Variants in TAOK1 observed in about 807,000 individuals in gnomAD.
The protein encoded by TAOK1 is TAO kinase 1, also known as serine/threonine-protein kinase TAO1.
A neutral mutation model predicts 138.3 loss-of-function variants in TAOK1; 21 were observed. The ratio of observed to expected loss-of-function variants is 0.15; its 90% CI spans 0.11 to 0.22. The LOEUF is 0.22. TAOK1 is among the 10% of genes least tolerant of loss of function. The pLI, the probability that TAOK1 is intolerant of heterozygous loss-of-function variation, is 1.00. For synonymous variants in TAOK1, 361 were observed against 398.4 expected (o/e 0.91, Z 1.12); for missense variants, 651 against 1,227.7 (o/e 0.53, Z 7.02).
At chr17:29,427,652 C>T (rs980226896) in intron 1 of TAOK1, among the ~76,000 whole-genome samples, 1 of 146,710 alleles carries the variant, frequency 6.8e-6, no homozygotes, top group African/African-American at 2.5e-5. Flanking sequence ...CTTGGCCAGG[C>T]GTAGTGGCTC....
At chr17:29,517,410 G>A (rs1480496222) in intron 15 of TAOK1, 43 bp from the exon 16 acceptor site, 18 of 1,599,572 alleles carry the variant, frequency 1.1e-5, no homozygotes, top group South Asian at 3.3e-5. Flanking sequence ...GTGAGCCACC[G>A]TGCCAGGCCT....
chr17:29,462,218 C>T (rs913148094), intron 2 of TAOK1, among the ~76,000 whole-genome samples: 3 of 152,194 alleles, frequency 2.0e-5, no homozygotes, highest in African/African-American at 7.2e-5. Flanking sequence ...CAAATTGAGT[C>T]AGCCAGCATG....
chr17:29,477,055 C>A (rs931289552), intron 4 of TAOK1, among the ~76,000 whole-genome samples: 1 of 152,066 alleles, frequency 6.6e-6, no homozygotes, highest in Non-Finnish European at 1.5e-5. Context: ...CCGTGTGTGC[C>A]AGGATGGTCT....
intron 1 of TAOK1, among the ~76,000 whole-genome samples, chr17:29,430,380 C>T (rs1487242895): frequency 6.6e-6 from 1 of 152,166 alleles, no homozygotes; most frequent in Non-Finnish European, 1.5e-5. Flanking sequence ...AAGCAGCCCA[C>T]CAGAGGCTGA....
At chr17:29,397,932 G>C (rs1904714515) in intron 1 of TAOK1, among the ~76,000 whole-genome samples, 1 of 151,872 alleles carries the variant, frequency 6.6e-6, no homozygotes, top group African/African-American at 2.4e-5. Context: ...TGTCACCCAG[G>C]TGGGAGTGCA....
At chr17:29,522,563 AAGGTATCC>A (rs1567743476) in intron 17 of TAOK1, 44 bp downstream of exon 17, 2 of 1,608,160 alleles carry the variant, frequency 1.2e-6, no homozygotes, top group African/African-American at 2.7e-5. Context: ...GGAGAATGAA[AAGGTATCC>A]ATGTAAGCAG....
At chr17:29,491,727 G>T in intron 9 of TAOK1, 57 bp from the exon 10 acceptor site, 1 of 1,272,732 alleles carries the variant, frequency 7.9e-7, no homozygotes, top group South Asian at 1.2e-5. Context: ...CTTGATTTGT[G>T]AATGTATTTT....
chr17:29,426,644 G>A (rs1905652466), intron 1 of TAOK1, among the ~76,000 whole-genome samples: 1 of 152,148 alleles, frequency 6.6e-6, no homozygotes, highest in African/African-American at 2.4e-5. Context: ...TGCTTATGGA[G>A]TTGCATATCC....
intron 1 of TAOK1, among the ~76,000 whole-genome samples, chr17:29,429,285 C>T (rs1471487414): frequency 1.3e-5 from 2 of 151,910 alleles, no homozygotes; most frequent in East Asian, 1.9e-4. Context: ...CTACTTTCCT[C>T]TGATTTTTTT....
rs1381157971 is a variant in TAOK1, at chr17:29,548,968, C to T, written c.*5946C>T. ...TTATTTAATATAAATGATCACATGTCCTCAATCATGAATGAGGTAGGGAGC... is the reference window on the plus strand; with the variant it reads ...TTATTTAATATAAATGATCACATGTTCTCAATCATGAATGAGGTAGGGAGC... On this transcript the variant is annotated 3_prime_UTR_variant, in exon 20 of 20. Coordinates refer to ENST00000261716, the MANE Select transcript of TAOK1 (RefSeq NM_020791.4). 1 of 152,088 alleles carries T rather than the reference C, an allele frequency of 6.6e-6. No homozygotes were observed. The highest frequency in any genetic ancestry group is 2.4e-5 in the African/African-American group (1 of 41,420). The allele number at this position is 152,088 out of a possible 1,614,324, so 9.4% of individuals were successfully genotyped here.
chr17:29,426,025 C>T (rs1392670929), intron 1 of TAOK1, among the ~76,000 whole-genome samples: 3 of 152,118 alleles, frequency 2.0e-5, no homozygotes, highest in Non-Finnish European at 4.4e-5. Context: ...GAACTACATG[C>T]GCCCACCACC....
Position 29,530,528 on chromosome 17 carries a change from T to A in TAOK1, c.2270T>A (p.Leu757Gln). ...CCAAAGAGTGAGCACAAAGCTGTTC[T>A]GAAACGGCTCAAGGAGGAACAGACC... The part of the protein sequence containing the change: ...TTPKSEHKAV[L>Q]KRLKEEQTRK... The change falls in exon 18 of 20, where the codon CTG becomes CAG. Residue 757 changes from leucine to glutamine, a missense_variant. Physicochemically the swap from Leu to Gln is moderately radical, Grantham distance 113. Transcript: ENST00000261716. The A allele has an allele frequency of 6.2e-7, 1 of 1,614,208 alleles. No individual in the cohort carries two copies. The highest frequency in any genetic ancestry group is 8.5e-7 in the Non-Finnish European group (1 of 1,180,042).
Position 29,495,785 on chromosome 17 carries a change from T to C in TAOK1, c.999+58T>C, listed in dbSNP as rs1221898721. On this transcript the variant is annotated intron_variant, in intron 11 of 19. Coordinates refer to ENST00000261716, the MANE Select transcript of TAOK1 (RefSeq NM_020791.4). ...TTTTCACTTTTGGTTTCTTTCCTTA[T>C]GCAGCTTGCCCTGCCATAATTTACC... 5.8e-6 allele frequency: 8 copies of C among 1,378,900 alleles called. No homozygotes were observed. The Admixed American group carries it at 7.4e-5, about 13-fold the overall frequency. The allele number at this position is 1,378,900 out of a possible 1,614,324, so 85.4% of individuals were successfully genotyped here.
intron 19 of TAOK1, among the ~76,000 whole-genome samples, chr17:29,535,067 T>G (rs1201786620): frequency 6.6e-6 from 1 of 152,080 alleles, no homozygotes; most frequent in Non-Finnish European, 1.5e-5. Flanking sequence ...CTCCCAGCAC[T>G]TTGGGAAGCC....
intron 1 of TAOK1, among the ~76,000 whole-genome samples, chr17:29,392,706 TGAA>T (rs557751034): frequency 4.6e-4 from 70 of 152,322 alleles, no homozygotes; most frequent in African/African-American, 1.4e-3. Context: ...TTTCCCAAAG[TGAA>T]GAAGAAGACT....
intron 1 of TAOK1, among the ~76,000 whole-genome samples, chr17:29,431,030 T>A (rs918513995): frequency 3.3e-5 from 5 of 152,138 alleles, no homozygotes; most frequent in African/African-American, 1.2e-4. Context: ...TTATAGAAAT[T>A]TGCTGGAGAA....
intron 17 of TAOK1, among the ~76,000 whole-genome samples, chr17:29,527,812 A>G (rs1371293668): frequency 5.3e-5 from 8 of 152,168 alleles, no homozygotes; most frequent in Non-Finnish European, 7.3e-5. Flanking sequence ...ACAGAAACAG[A>G]TCTCATCTTA....
chr17:29,524,002 C>T (rs1171050228), intron 17 of TAOK1, among the ~76,000 whole-genome samples: 1 of 152,110 alleles, frequency 6.6e-6, no homozygotes, highest in Non-Finnish European at 1.5e-5. Flanking sequence ...CAATGCCCAC[C>T]CAACTCCATT....
intron 13 of TAOK1, among the ~76,000 whole-genome samples, chr17:29,506,846 A>G (rs2031637152): frequency 1.3e-5 from 2 of 152,204 alleles, no homozygotes. Flanking sequence ...TGGAAAGAAC[A>G]CAAATGTCCA....
Sources: gnomAD v4.1 joint callset for allele counts (sites outside exome capture counted in the v4.1 genomes callset) on GRCh38, gnomAD v4.1.1 for gene constraint, MANE v1.5 for transcripts, NCBI Gene and HGNC (gene_info 2026-07-23, HGNC 2026-07-21) for gene names.